The following CDH13 variants were observed in gnomAD, a reference collection of about 807,000 sequenced individuals.
CDH13 encodes cadherin 13, also known as cadherin-13.
In CDH13, 24 loss-of-function variants were observed where a neutral mutation model predicts 63.8. The observed-to-expected ratio is 0.38, with a 90% CI of 0.27 to 0.53. The LOEUF is 0.53. Ranked by LOEUF, CDH13 falls within the 20% of genes least tolerant of loss-of-function variation. CDH13 has a pLI of 0.85. For missense variants in CDH13, 1,049 were observed against 903.1 expected (o/e 1.16, Z -2.07); for synonymous variants, 503 against 355.3 (o/e 1.42, Z -4.67).
intron 11 of CDH13, among the ~76,000 whole-genome samples, chr16:83,751,763 A>G (rs1913105918): frequency 6.6e-6 from 1 of 152,268 alleles, no homozygotes; most frequent in Non-Finnish European, 1.5e-5. Context: ...CTTATACTGA[A>G]CATGAGCTAG....
intron 7 of CDH13, among the ~76,000 whole-genome samples, chr16:83,558,544 G>A (rs542438108): frequency 8.5e-5 from 13 of 152,206 alleles, no homozygotes; most frequent in African/African-American, 2.9e-4. Flanking sequence ...ACAGGTCTTG[G>A]GCACCTTAAA....
chr16:83,115,298 TTAAG>T (rs1400521848), intron 3 of CDH13, among the ~76,000 whole-genome samples: 1 of 152,210 alleles, frequency 6.6e-6, no homozygotes. Context: ...GTTGAATGGA[TTAAG>T]TGAGATAATC....
chr16:82,860,278 G>A (rs1361018334), intron 2 of CDH13, among the ~76,000 whole-genome samples: 1 of 149,504 alleles, frequency 6.7e-6, no homozygotes, highest in Non-Finnish European at 1.5e-5. Flanking sequence ...ATAGCAAACA[G>A]TTTTTAATTC....
chr16:82,724,255 CCATCTATG>C (rs1325150615), intron 1 of CDH13, among the ~76,000 whole-genome samples: 14 of 151,866 alleles, frequency 9.2e-5, no homozygotes, highest in South Asian at 2.1e-4. Context: ...ATCCATCTAT[CCATCTATG>C]CATCCTTCCG....
At chr16:83,603,226 G>C (rs1226335538) in intron 8 of CDH13, among the ~76,000 whole-genome samples, 1 of 152,238 alleles carries the variant, frequency 6.6e-6, no homozygotes, top group African/African-American at 2.4e-5. Context: ...TTTGCACTAA[G>C]CACATTCTGA....
chr16:83,227,994 A>C (rs1220517088), intron 5 of CDH13, among the ~76,000 whole-genome samples: 1 of 152,144 alleles, frequency 6.6e-6, no homozygotes, highest in Non-Finnish European at 1.5e-5. Context: ...AGTGCTGGGA[A>C]TAGACACGGA....
intron 5 of CDH13, among the ~76,000 whole-genome samples, chr16:83,335,027 T>A (rs1261445537): frequency 6.6e-6 from 1 of 152,200 alleles, no homozygotes; most frequent in African/African-American, 2.4e-5. Context: ...TTTCCTGTCT[T>A]ATCACAACAA....
intron 3 of CDH13, among the ~76,000 whole-genome samples, chr16:83,038,952 A>G (rs1164597392): frequency 1.3e-5 from 2 of 152,202 alleles, no homozygotes; most frequent in East Asian, 3.9e-4. Flanking sequence ...CAAGGGGCTT[A>G]GAGGAATTTA....
chr16:83,060,793 A>G (rs1390333937), intron 3 of CDH13, among the ~76,000 whole-genome samples: 2 of 152,188 alleles, frequency 1.3e-5, no homozygotes, highest in Non-Finnish European at 2.9e-5. Flanking sequence ...GTCTGTTTTC[A>G]CAGTCTGCTG....
chr16:82,987,247 C>G (rs546852466), intron 2 of CDH13, among the ~76,000 whole-genome samples: 6 of 152,202 alleles, frequency 3.9e-5, no homozygotes, highest in Non-Finnish European at 8.8e-5. Context: ...CCCTTAAACT[C>G]GCCCAAAAGG....
chr16:82,930,090 G>A (rs1187262735), intron 2 of CDH13, among the ~76,000 whole-genome samples: 1 of 136,956 alleles, frequency 7.3e-6, no homozygotes, highest in Non-Finnish European at 1.5e-5. Context: ...TGTTGCCCAG[G>A]CTGGAGTGTA....
chr16:83,041,253 A>G (rs1335151545), intron 3 of CDH13, among the ~76,000 whole-genome samples: 1 of 152,178 alleles, frequency 6.6e-6, no homozygotes, highest in Non-Finnish European at 1.5e-5. Flanking sequence ...AAATAAAACA[A>G]AGAAGAAAAG....
At chr16:83,327,096 TA>T (rs1567594264) in intron 5 of CDH13, among the ~76,000 whole-genome samples, 1 of 152,238 alleles carries the variant, frequency 6.6e-6, no homozygotes. Flanking sequence ...TTGTGTCATT[TA>T]TAAAGGCAGG....
chr16:83,144,231 G>A (rs1157764723), intron 4 of CDH13, among the ~76,000 whole-genome samples: 2 of 152,166 alleles, frequency 1.3e-5, no homozygotes, highest in Non-Finnish European at 2.9e-5. Context: ...AGTGACACAG[G>A]CTTGTACTTA....
chr16:83,099,406 C>T (rs1387021048), intron 3 of CDH13, among the ~76,000 whole-genome samples: 1 of 151,854 alleles, frequency 6.6e-6, no homozygotes, highest in Non-Finnish European at 1.5e-5. Context: ...TCATTGCAGC[C>T]TCCGCCTCCT....
intron 3 of CDH13, among the ~76,000 whole-genome samples, chr16:83,096,793 G>A (rs1032211858): frequency 6.6e-6 from 1 of 152,134 alleles, no homozygotes; most frequent in Non-Finnish European, 1.5e-5. Context: ...AGAGTAGATT[G>A]AATGCTATTG....
At chr16:83,059,051 G>C (rs1262135242) in intron 3 of CDH13, among the ~76,000 whole-genome samples, 1 of 152,172 alleles carries the variant, frequency 6.6e-6, no homozygotes, top group Non-Finnish European at 1.5e-5. Flanking sequence ...GTCAGGTGCA[G>C]GAACTTGATC....
intron 6 of CDH13, among the ~76,000 whole-genome samples, chr16:83,405,644 T>G (rs1331384915): frequency 1.3e-5 from 2 of 152,238 alleles, no homozygotes; most frequent in East Asian, 3.8e-4. Context: ...TCTGTGATAA[T>G]CTGTTACAGC....
chr16:82,915,742 T>C (rs1013639626), intron 2 of CDH13, among the ~76,000 whole-genome samples: 1 of 151,648 alleles, frequency 6.6e-6, no homozygotes, highest in Non-Finnish European at 1.5e-5. Context: ...TACAGCTCCT[T>C]GTAAAGCTGA....
Sources: allele counts gnomAD v4.1 joint callset (sites outside exome capture counted in the v4.1 genomes callset), GRCh38; gene constraint gnomAD v4.1.1; transcripts MANE v1.5; gene names NCBI Gene and HGNC (gene_info 2026-07-23, HGNC 2026-07-21).